Variants in SCN8A observed in about 807,000 individuals in gnomAD.
SCN8A encodes the protein sodium voltage-gated channel alpha subunit 8, also known as sodium channel protein type 8 subunit alpha.
Under a neutral mutation model 184.1 loss-of-function variants are expected in SCN8A, and 30 were observed. That is an observed-to-expected ratio of 0.16 (90% CI 0.12 to 0.22). The LOEUF (loss-of-function observed/expected upper bound fraction) is 0.22. Ranked by LOEUF, SCN8A falls within the 10% of genes least tolerant of loss-of-function variation. The probability of loss-of-function intolerance (pLI) is 1.00; values close to 1 mark genes in which losing one functional copy is unlikely to be tolerated. For missense variants in SCN8A, 1,057 were observed against 2,498.9 expected (o/e 0.42, Z 12.30); for synonymous variants, 852 against 907.0 (o/e 0.94, Z 1.09).
intron 1 of SCN8A, among the ~76,000 whole-genome samples, chr12:51,641,488 T>C (rs1054869545): frequency 2.6e-5 from 4 of 152,260 alleles, no homozygotes; most frequent in Admixed American, 6.5e-5. Flanking sequence ...CTAGCTCTGC[T>C]ACTTATTATC....
At position 51,632,418 on chromosome 12, in the gene SCN8A, G is replaced by T. The variant is rs552527318; in HGVS notation, c.-54-30346G>T. Among the ~76,000 whole-genome samples, 6 of 152,246 alleles carry T rather than the reference G, an allele frequency of 3.9e-5. No individual in the cohort carries two copies. The East Asian group carries it at 9.7e-4, about 25-fold the overall frequency. ...TGCTGGTTTCTTTGGGGCCTCCCTAGTTCTCCTTTGAGTTCTAGTGTTGGT... is the reference window on the plus strand; with the variant it reads ...TGCTGGTTTCTTTGGGGCCTCCCTATTTCTCCTTTGAGTTCTAGTGTTGGT... On this transcript the variant is annotated intron_variant, in intron 1 of 26. Transcript: ENST00000627620.
At chr12:51,669,135 T>C (rs1024397443) in intron 2 of SCN8A, among the ~76,000 whole-genome samples, 1 of 152,236 alleles carries the variant, frequency 6.6e-6, no homozygotes, top group Non-Finnish European at 1.5e-5. Context: ...TACAACTTTA[T>C]GACAGATACA....
At chr12:51,735,695 G>A (rs1032863948) in intron 12 of SCN8A, among the ~76,000 whole-genome samples, 6 of 152,138 alleles carry the variant, frequency 3.9e-5, no homozygotes, top group African/African-American at 1.4e-4. Flanking sequence ...GGTGTTGCTC[G>A]TAACTGTTGG....
chr12:51,689,561 A>C, intron 6 of SCN8A: 1 of 154,542 alleles, frequency 6.5e-6, no homozygotes, highest in Non-Finnish European at 1.4e-5. Flanking sequence ...TAATCACAGA[A>C]GAGATCTACC....
chr12:51,795,462 A>T (rs1276931310), intron 26 of SCN8A, among the ~76,000 whole-genome samples: 1 of 152,210 alleles, frequency 6.6e-6, no homozygotes, highest in Non-Finnish European at 1.5e-5. Flanking sequence ...CACTAGAGAG[A>T]GTGCTCGAGA....
Position 51,788,561 on chromosome 12 carries a change from G to T in SCN8A, c.4228-134G>T, listed in dbSNP as rs932349549. The T allele has an allele frequency of 1.7e-5, 8 of 478,006 alleles. No homozygotes were observed. The East Asian group carries it at 2.4e-4, about 14-fold the overall frequency. 29.6% of individuals were successfully genotyped at this position (478,006 alleles called of 1,614,324 possible). On this transcript the variant is annotated intron_variant, in intron 22 of 26. Coordinates refer to ENST00000627620, the MANE Select transcript of SCN8A (RefSeq NM_001330260.2). ...CCTGTAGTAACAAACAGAAAATTCT[G>T]TGTCCAAGGGAGGCTGCACCCAAAC...
In SCN8A at chr12:51,807,128, T is replaced by C; in HGVS notation, c.5642T>C (p.Val1881Ala). 2 of 1,613,836 alleles carry C rather than the reference T, an allele frequency of 1.2e-6. No individual in the cohort carries two copies. Among genetic ancestry groups the C allele is most frequent in the South Asian group, 1.1e-5 (1 of 91,070 alleles). The change falls in exon 27 of 27, where the codon GTG (valine) becomes GCG (alanine). Residue 1881 changes from valine to alanine, a missense_variant. By Grantham distance (64) the Val-to-Ala change is moderately conservative. Around this residue, in one of 19 missense-constraint regions of SCN8A, gnomAD observed 95 missense variants for 140.2 expected, o/e 0.68. Coordinates refer to ENST00000627620, the MANE Select transcript of SCN8A (RefSeq NM_001330260.2). The surrounding 1 kb of genome is among the most constrained non-coding windows in gnomAD (Gnocchi z 4.5). The part of the protein sequence containing the change: ...ERFVASNPSK[V>A]SYEPITTTLR... Reference sequence around the variant, plus strand: ...TTCGTGGCATCCAATCCTTCCAAAGTGTCTTACGAGCCAATCACAACCACA... The same window carrying C: ...TTCGTGGCATCCAATCCTTCCAAAGCGTCTTACGAGCCAATCACAACCACA...
At chr12:51,701,807 GT>G (rs1390737357) in intron 8 of SCN8A, among the ~76,000 whole-genome samples, 1 of 152,140 alleles carries the variant, frequency 6.6e-6, no homozygotes, top group Admixed American at 6.5e-5. Context: ...TAAATGTAGG[GT>G]GGTAGTGTCA....
intron 26 of SCN8A, among the ~76,000 whole-genome samples, chr12:51,799,972 G>A (rs1328836313): frequency 4.6e-5 from 7 of 152,212 alleles, no homozygotes; most frequent in African/African-American, 1.7e-4. Flanking sequence ...AGTCCAGTGT[G>A]TTTGCTACTT....
intron 2 of SCN8A, among the ~76,000 whole-genome samples, chr12:51,679,083 A>G: frequency 2.1e-5 from 1 of 47,162 alleles, no homozygotes; most frequent in East Asian, 0.012. Context: ...CTCCAAAAAA[A>G]ATAAAAAAAT....
intron 26 of SCN8A, among the ~76,000 whole-genome samples, chr12:51,796,753 AAGGCCAGAGAGC>A: frequency 6.6e-6 from 1 of 152,216 alleles, no homozygotes; most frequent in South Asian, 2.1e-4. Flanking sequence ...GGTCTGGCCA[AAGGCCAGAGAGC>A]CCCTGGCAAA....
chr12:51,755,242 C>T (rs986832145), intron 14 of SCN8A, among the ~76,000 whole-genome samples: 3 of 152,174 alleles, frequency 2.0e-5, no homozygotes, highest in Admixed American at 2.0e-4. Context: ...ATTTCCTGTT[C>T]ATTCAGATTT....
At chr12:51,605,758 T>A (rs1939577173) in intron 1 of SCN8A, among the ~76,000 whole-genome samples, 1 of 152,226 alleles carries the variant, frequency 6.6e-6, no homozygotes, top group South Asian at 2.1e-4. Flanking sequence ...CAACATCTAC[T>A]GTTTTTTGAT....
chr12:51,618,038 C>T (rs1939877895), intron 1 of SCN8A, among the ~76,000 whole-genome samples: 1 of 152,102 alleles, frequency 6.6e-6, no homozygotes, highest in Non-Finnish European at 1.5e-5. Flanking sequence ...CCAGACTTTC[C>T]AGATCTGAAG....
At chr12:51,717,592 A>G (rs901862050) in intron 11 of SCN8A, among the ~76,000 whole-genome samples, 3 of 152,220 alleles carry the variant, frequency 2.0e-5, no homozygotes, top group Non-Finnish European at 2.9e-5. Context: ...TACATGTAAG[A>G]AGAATAGTAA....
chr12:51,598,925 CTG>C (rs901016856), intron 1 of SCN8A, among the ~76,000 whole-genome samples: 4 of 152,152 alleles, frequency 2.6e-5, no homozygotes, highest in African/African-American at 4.8e-5. Flanking sequence ...CATAATGCCT[CTG>C]TTTTATTTTT....
intron 17 of SCN8A, 144 bp from the exon 18 acceptor site, chr12:51,769,724 A>G: frequency 1.5e-6 from 1 of 654,634 alleles, no homozygotes; most frequent in Non-Finnish European, 2.7e-6. Context: ...GCCCGTGGAT[A>G]TGGTTTGCTT....
chr12:51,809,209 A>G lies in SCN8A; in HGVS notation c.*1780A>G, dbSNP rs1354866867. 6.6e-6 allele frequency: 1 copy of G among 152,156 alleles called. No individual in the cohort carries two copies. Among genetic ancestry groups the G allele is most frequent in the African/African-American group, 2.4e-5 (1 of 41,424 alleles). 9.4% of individuals were successfully genotyped at this position (152,156 alleles called of 1,614,324 possible). A position where few individuals can be genotyped will look rare whatever the true frequency, so the allele number is the denominator to read the frequency against. On this transcript the variant is annotated 3_prime_UTR_variant, in exon 27 of 27. Transcript: ENST00000627620. ...ACAGTTTTTAGTCCAGGGGTTTCTC[A>G]CCTAATGACTGGATTTCAAAGCCAA... is the stretch of plus-strand genomic sequence containing the variant.
At chr12:51,758,882 G>A (rs1184146192) in intron 14 of SCN8A, among the ~76,000 whole-genome samples, 1 of 152,000 alleles carries the variant, frequency 6.6e-6, no homozygotes, top group East Asian at 1.9e-4. Context: ...TATCCAAGGG[G>A]GATACATTCC....
Sources: gnomAD v4.1 joint callset for allele counts (sites outside exome capture counted in the v4.1 genomes callset) on GRCh38, gnomAD v4.1.1 for gene constraint, gnomAD v4.1.1 regional missense constraint, Gnocchi (gnomAD v3.1) non-coding constraint, MANE v1.5 for transcripts, NCBI Gene and HGNC (gene_info 2026-07-23, HGNC 2026-07-21) for gene names.